Variants in GSS observed in about 807,000 individuals in gnomAD.
GSS encodes the protein GSH synthetase.
A neutral mutation model predicts 60.4 loss-of-function variants in GSS; 34 were observed. The observed-to-expected ratio is 0.56, with a 90% confidence interval of 0.43 to 0.75. The LOEUF (loss-of-function observed/expected upper bound fraction) is 0.75, where lower values mean the gene tolerates loss of function less well. Among genes scored for constraint, GSS ranks in the 30% least tolerant of loss-of-function variants. GSS has a pLI of 0.00. For synonymous variants in GSS, 224 were observed against 239.0 expected (o/e 0.94, Z 0.58); for missense variants, 499 against 595.1 (o/e 0.84, Z 1.68).
intron 2 of GSS, chr20:34,949,459 C>T (rs1461388995): frequency 6.7e-6 from 1 of 148,538 alleles, no homozygotes; most frequent in Non-Finnish European, 1.5e-5. Context: ...ACTTTTGGGT[C>T]CTTGCTATGC....
At chr20:34,932,832 T>C (rs915370645) in intron 9 of GSS, among the ~76,000 whole-genome samples, 5 of 152,012 alleles carry the variant, frequency 3.3e-5, no homozygotes, top group African/African-American at 1.2e-4. Context: ...CAATTTTTTT[T>C]TCCTATTTTT....
At position 34,951,824 on chromosome 20, in the gene GSS, T is replaced by A. The variant is rs1317545319; in HGVS notation, c.29A>T (p.Gln10Leu). Residue 10 changes from glutamine to leucine, a missense_variant, in exon 2 of 13, where the codon CAG (glutamine) becomes CTG (leucine). Gln to Leu is a moderately radical substitution (Grantham distance 113, BLOSUM62 -2). Coordinates refer to ENST00000651619, the MANE Select transcript of GSS (RefSeq NM_000178.4). MATNWGSLL[Q>L]DKQQLEELAR... ...CAGCTCCTCTAGCTGCTGTTTATCC[T>A]GCAAGAGGCTCCCCCAGTTGGTGGC... The A allele has an allele frequency of 6.2e-7, 1 of 1,614,158 alleles. No individual in the cohort carries two copies. The highest frequency in any genetic ancestry group is 2.2e-5 in the East Asian group (1 of 44,872).
At chr20:34,949,257 A>C (rs2081547115) in intron 2 of GSS, among the ~76,000 whole-genome samples, 1 of 152,182 alleles carries the variant, frequency 6.6e-6, no homozygotes, top group South Asian at 2.1e-4. Context: ...GCAGGAGCCA[A>C]ATACTCAGCC....
Position 34,928,706 on chromosome 20 carries a change from A to G in GSS, c.*122T>C. The G allele has an allele frequency of 9.2e-7, 1 of 1,086,890 alleles. No individual in the cohort carries two copies. The highest frequency in any genetic ancestry group is 1.4e-6 in the Non-Finnish European group (1 of 722,660). 67.3% of individuals were successfully genotyped at this position (1,086,890 alleles called of 1,614,324 possible). ...TGGTCCTCAGATGGAAAGCTGGGGG[A>G]AGGTACCAGTATTTACCCTTCCATA... On this transcript the variant is annotated 3_prime_UTR_variant, in exon 13 of 13. Transcript: ENST00000651619.
chr20:34,944,723 C>T (rs758959095), intron 3 of GSS, among the ~76,000 whole-genome samples: 1 of 152,144 alleles, frequency 6.6e-6, no homozygotes, highest in Non-Finnish European at 1.5e-5. Flanking sequence ...TCATATACAC[C>T]TTATACTCAT....
chr20:34,942,228 C>T (rs1303757847), intron 5 of GSS, among the ~76,000 whole-genome samples: 5 of 152,176 alleles, frequency 3.3e-5, no homozygotes, highest in African/African-American at 1.2e-4. Context: ...GCATTCCTCT[C>T]TCTGGGGCTC....
At chr20:34,935,858 T>C (rs1037716620) in intron 8 of GSS, among the ~76,000 whole-genome samples, 2 of 152,122 alleles carry the variant, frequency 1.3e-5, no homozygotes, top group African/African-American at 2.4e-5. Context: ...CAGAATACTT[T>C]AGAATATGCC....
intron 2 of GSS, among the ~76,000 whole-genome samples, chr20:34,946,348 C>A (rs1405465461): frequency 6.6e-6 from 1 of 152,082 alleles, no homozygotes; most frequent in Non-Finnish European, 1.5e-5. Flanking sequence ...AAAAAGAAAC[C>A]CACAAGTTAT....
intron 12 of GSS, 200 bp from the exon 13 acceptor site, chr20:34,929,151 T>C (rs2081378211): frequency 1.4e-6 from 1 of 721,076 alleles, no homozygotes; most frequent in Non-Finnish European, 2.4e-6. Context: ...TTGGTGCTAT[T>C]TGGAGTTTCC....
chr20:34,938,254 T>C (rs2081456053), intron 6 of GSS, among the ~76,000 whole-genome samples: 1 of 152,210 alleles, frequency 6.6e-6, no homozygotes, highest in African/African-American at 2.4e-5. Flanking sequence ...ATTCTAAGTG[T>C]GTATTCCCTG....
At chr20:34,939,679 T>TG (rs535020467) in intron 6 of GSS, among the ~76,000 whole-genome samples, 181 of 151,556 alleles carry the variant, frequency 1.2e-3, no homozygotes, top group African/African-American at 4.3e-3. Flanking sequence ...TTTTGTTTTT[T>TG]TTTTTTTTGA....
rs187615836 is a variant in GSS at position 34,932,995 on chromosome 20, G to A, written c.835-862C>T. On this transcript the variant is annotated intron_variant, in intron 9 of 12. Coordinates refer to ENST00000651619, the MANE Select transcript of GSS (RefSeq NM_000178.4). Reference sequence around the variant, plus strand: ...CAAGTAGCTGGGACTACAGGTGCACGCCACCACACCCAGCTAATTTTTGTA... The same window carrying A: ...CAAGTAGCTGGGACTACAGGTGCACACCACCACACCCAGCTAATTTTTGTA... 3.7e-3 allele frequency among the ~76,000 whole-genome samples: 559 copies of A among 152,062 alleles called. 4 individuals are homozygous for A. The highest frequency in any genetic ancestry group is 0.013 in the African/African-American group (548 of 41,472).
chr20:34,935,208 A>G (rs953605490), intron 9 of GSS, among the ~76,000 whole-genome samples: 4 of 152,228 alleles, frequency 2.6e-5, no homozygotes, highest in Non-Finnish European at 5.9e-5. Context: ...GGAGATGATA[A>G]AACTTTCTGA....
intron 10 of GSS, chr20:34,931,658 T>TA: frequency 1.6e-6 from 1 of 628,528 alleles, no homozygotes; most frequent in Non-Finnish European, 2.8e-6. Flanking sequence ...GGCAGCCTGA[T>TA]ACACTTCTCA....
In GSS at chr20:34,942,454, C is replaced by T. The variant is rs1266138831; in HGVS notation, c.491+34G>A. On this transcript the variant is annotated intron_variant, in intron 5 of 12. Transcript: ENST00000651619. The stretch of plus-strand genomic sequence containing the variant: ...CTGTACACCCATCAGCATGTCACCC[C>T]ACAGGTATGCCGGGGGCTGCCCAGG... 7 of 1,602,164 alleles carry T rather than the reference C, an allele frequency of 4.4e-6. No homozygotes were observed. In the South Asian group the frequency reaches 5.5e-5, roughly 13 times the overall value.
chr20:34,953,194 G>C (rs1260841872), intron 1 of GSS, among the ~76,000 whole-genome samples: 1 of 152,136 alleles, frequency 6.6e-6, no homozygotes. Flanking sequence ...ATTTTGTTCT[G>C]CCCTGTTGCC....
rs369431855 is a variant in GSS, at chr20:34,945,074, A to G, written c.275+879T>C. On this transcript the variant is annotated intron_variant, in intron 3 of 12. Transcript: ENST00000651619. The stretch of plus-strand genomic sequence containing the variant: ...CTCGCTCTGTCGCCCAGGCTGGAGT[A>G]CAGTGTCGTGATCTTGGCTTACTGC... Among the ~76,000 whole-genome samples, 9 of 151,432 alleles carry G rather than the reference A, an allele frequency of 5.9e-5. No individual in the cohort carries two copies. The East Asian group carries it at 1.7e-3, about 29-fold the overall frequency.
At chr20:34,934,748 A>C (rs539682695) in intron 9 of GSS, among the ~76,000 whole-genome samples, 1 of 152,254 alleles carries the variant, frequency 6.6e-6, no homozygotes, top group East Asian at 1.9e-4. Flanking sequence ...CAGACCTAGA[A>C]GGAGCCCCCT....
Position 34,951,723 on chromosome 20 carries a change from C to A in GSS, c.129+1G>T, listed in dbSNP as rs1264940249. 1 of 1,603,856 alleles carries A rather than the reference C, an allele frequency of 6.2e-7. No homozygotes were observed. The highest frequency in any genetic ancestry group is 1.7e-4 in the Middle Eastern group (1 of 6,048). ...GCTGTGGGGAGGAGCTAGGGGCTTACCTCCGAGGAAGTGGGCTCCTGTGAG... is the reference window on the plus strand; with the variant it reads ...GCTGTGGGGAGGAGCTAGGGGCTTAACTCCGAGGAAGTGGGCTCCTGTGAG... On this transcript the variant is annotated splice_donor_variant, in intron 2 of 12. Coordinates refer to ENST00000651619, the MANE Select transcript of GSS (RefSeq NM_000178.4). LOFTEE classifies it high-confidence loss of function.
Sources: gnomAD v4.1 joint callset for allele counts (sites outside exome capture counted in the v4.1 genomes callset) on GRCh38, gnomAD v4.1.1 for gene constraint, MANE v1.5 for transcripts, NCBI Gene and HGNC (gene_info 2026-07-23, HGNC 2026-07-21) for gene names.